RNF150: variants seen among roughly 807,000 people sequenced by gnomAD.
RNF150 encodes ring finger protein 150.
A neutral mutation model predicts 39.3 loss-of-function variants in RNF150; 24 were observed. The observed-to-expected ratio is 0.61, with a 90% CI of 0.44 to 0.86. The LOEUF is 0.86. Among genes scored for constraint, RNF150 ranks in the 40% least tolerant of loss-of-function variants. RNF150 has a pLI of 0.00. For missense variants in RNF150, 502 were observed against 587.8 expected (o/e 0.85, Z 1.51); for synonymous variants, 255 against 227.3 (o/e 1.12, Z -1.10).
In RNF150 at chr4:141,114,264, C is replaced by T. The variant is rs191231699; in HGVS notation, c.484+18061G>A. 5.7e-3 allele frequency among the ~76,000 whole-genome samples: 871 copies of T among 151,862 alleles called. 1 individual carries two copies. The highest frequency in any genetic ancestry group is 8.8e-3 in the Non-Finnish European group (599 of 67,946). Reference sequence around the variant, plus strand: ...TTAACAAAGTAGATAGACCACTAGCCAGACTAATAAAAAAGAAAAGAGAGA... The same window carrying T: ...TTAACAAAGTAGATAGACCACTAGCTAGACTAATAAAAAAGAAAAGAGAGA... On this transcript the variant is annotated intron_variant, in intron 1 of 6. Coordinates refer to ENST00000515673, the MANE Select transcript of RNF150 (RefSeq NM_020724.2).
At chr4:141,112,844 G>A (rs538465846) in intron 1 of RNF150, among the ~76,000 whole-genome samples, 3 of 152,132 alleles carry the variant, frequency 2.0e-5, no homozygotes, top group Non-Finnish European at 2.9e-5. Flanking sequence ...CATTCTCCCC[G>A]TCACTTTCAG....
intron 1 of RNF150, among the ~76,000 whole-genome samples, chr4:141,037,849 T>G (rs1436612333): frequency 6.6e-6 from 1 of 152,184 alleles, no homozygotes; most frequent in Admixed American, 6.5e-5. Context: ...CACCTACACT[T>G]ACAGACTTAA....
At chr4:140,918,661 G>A in intron 5 of RNF150, among the ~76,000 whole-genome samples, 1 of 151,838 alleles carries the variant, frequency 6.6e-6, no homozygotes, top group Non-Finnish European at 1.5e-5. Flanking sequence ...TACAAAAAGA[G>A]GAAATCCTCC....
At chr4:141,032,268 G>A (rs1323016071) in intron 1 of RNF150, among the ~76,000 whole-genome samples, 1 of 152,040 alleles carries the variant, frequency 6.6e-6, no homozygotes, top group East Asian at 1.9e-4. Context: ...AATGATGGTG[G>A]CCAGAGACTA....
chr4:141,208,489 C>G (rs1017003015), intron 1 of RNF150, among the ~76,000 whole-genome samples: 2 of 152,198 alleles, frequency 1.3e-5, no homozygotes, highest in African/African-American at 4.8e-5. Context: ...TCCATTCTAC[C>G]TGGATGAGTG....
chr4:141,116,980 G>A (rs142572880), intron 1 of RNF150, among the ~76,000 whole-genome samples: 3,524 of 151,938 alleles, frequency 0.023, 144 homozygotes, highest in African/African-American at 0.08. Flanking sequence ...ATCACACACC[G>A]GAGCCTGTCA....
chr4:140,902,752 G>C (rs565306677), intron 6 of RNF150, among the ~76,000 whole-genome samples: 1 of 152,342 alleles, frequency 6.6e-6, no homozygotes, highest in African/African-American at 2.4e-5. Flanking sequence ...TTTGGAGACA[G>C]GGTCCGCTGC....
chr4:140,997,523 T>A (rs1734419095), intron 1 of RNF150, among the ~76,000 whole-genome samples: 1 of 152,008 alleles, frequency 6.6e-6, no homozygotes. Flanking sequence ...AAAGAAGGAA[T>A]CAACTCTGCT....
chr4:140,876,076 T>C (rs1160095597), intron 6 of RNF150, among the ~76,000 whole-genome samples: 1 of 152,218 alleles, frequency 6.6e-6, no homozygotes, highest in Non-Finnish European at 1.5e-5. Flanking sequence ...GTTTGCATGC[T>C]GGGAGTTGCT....
chr4:141,197,697 T>C (rs1170935157), intron 1 of RNF150, among the ~76,000 whole-genome samples: 1 of 151,916 alleles, frequency 6.6e-6, no homozygotes, highest in African/African-American at 2.4e-5. Flanking sequence ...GCTAACATGG[T>C]GAAACCCCAT....
chr4:140,869,159 G>C (rs920529906), intron 6 of RNF150, among the ~76,000 whole-genome samples: 3 of 152,164 alleles, frequency 2.0e-5, no homozygotes, highest in African/African-American at 7.2e-5. Flanking sequence ...TCCAACAATA[G>C]AGAACATCTG....
At chr4:141,084,649 A>C (rs1294952808) in intron 1 of RNF150, among the ~76,000 whole-genome samples, 1 of 152,228 alleles carries the variant, frequency 6.6e-6, no homozygotes, top group Admixed American at 6.5e-5. Context: ...TCTAGTACAG[A>C]GGTCACATGA....
chr4:141,079,473 G>A (rs1738065775), intron 1 of RNF150, among the ~76,000 whole-genome samples: 1 of 152,112 alleles, frequency 6.6e-6, no homozygotes, highest in South Asian at 2.1e-4. Context: ...TCCCTTCATA[G>A]TTATGTGACC....
chr4:140,982,924 A>G (rs1243553297), intron 1 of RNF150, among the ~76,000 whole-genome samples: 1 of 152,136 alleles, frequency 6.6e-6, no homozygotes, highest in Non-Finnish European at 1.5e-5. Context: ...ATGTTTCATA[A>G]GCATTATAGA....
At chr4:140,883,516 C>T (rs2111209455) in intron 6 of RNF150, among the ~76,000 whole-genome samples, 1 of 152,182 alleles carries the variant, frequency 6.6e-6, no homozygotes, top group South Asian at 2.1e-4. Context: ...TTTATTTCCC[C>T]TTCAGTTTTG....
intron 1 of RNF150, among the ~76,000 whole-genome samples, chr4:141,016,735 C>T (rs1239179956): frequency 1.3e-5 from 2 of 152,162 alleles, no homozygotes; most frequent in African/African-American, 2.4e-5. Context: ...CTGCCTGAAA[C>T]TCTCTTTGCC....
chr4:141,139,041 A>T (rs1240415421), intron 1 of RNF150, among the ~76,000 whole-genome samples: 2 of 152,108 alleles, frequency 1.3e-5, no homozygotes, highest in Non-Finnish European at 2.9e-5. Context: ...CCCTGTCTCT[A>T]CAAAAAGAAG....
Position 141,000,068 on chromosome 4 carries a change from GAAGAAGAAGAAGAAGA to G in RNF150, c.485-32211_485-32196del, listed in dbSNP as rs1560679476. Among the ~76,000 whole-genome samples the G allele has an allele frequency of 2.1e-4, 20 of 95,220 alleles. 4 individuals are homozygous for G. Among genetic ancestry groups the G allele is most frequent in the African/African-American group, 7.6e-4 (19 of 24,966 alleles). The allele number at this position is 95,220 out of a possible 152,430, so 62.5% of individuals were successfully genotyped here. A position where few individuals can be genotyped will look rare whatever the true frequency, so the allele number is the denominator to read the frequency against. On this transcript the variant is annotated intron_variant, in intron 1 of 6. Transcript: ENST00000515673. ...AGAAGAAGAAGAAGAAGAAGAAGAA[GAAGAAGAAGAAGAAGA>G]AGGAGAAGAAGAAGAAGAAGAAGAG...
At position 140,979,171 on chromosome 4, in the gene RNF150, A is replaced by T. The variant is rs531114696; in HGVS notation, c.485-11298T>A. On this transcript the variant is annotated intron_variant, in intron 1 of 6. Coordinates refer to ENST00000515673, the MANE Select transcript of RNF150 (RefSeq NM_020724.2). ...ACATCTCAGGAATACTCTATTTTCA[A>T]TCTGAATTTGACTGGAAAAAATCTG... is the stretch of plus-strand genomic sequence containing the variant. Among the ~76,000 whole-genome samples the T allele has an allele frequency of 2.6e-4, 40 of 152,180 alleles. 1 individual carries two copies. Among genetic ancestry groups the T allele is most frequent in the African/African-American group, 8.7e-4 (36 of 41,530 alleles).
Sources: gnomAD v4.1 joint callset for allele counts (sites outside exome capture counted in the v4.1 genomes callset) on GRCh38, gnomAD v4.1.1 for gene constraint, MANE v1.5 for transcripts, NCBI Gene and HGNC (gene_info 2026-07-23, HGNC 2026-07-21) for gene names.